RBFOX1: variants seen among roughly 807,000 people sequenced by gnomAD.
The protein encoded by RBFOX1 is RNA binding protein fox-1 homolog 1.
A neutral mutation model predicts 57.7 loss-of-function variants in RBFOX1; 8 were observed. The observed-to-expected ratio is 0.14, with a 90% confidence interval of 0.08 to 0.25. RBFOX1 has a LOEUF of 0.25. Among genes scored for constraint, RBFOX1 ranks in the 10% least tolerant of loss-of-function variants. RBFOX1 has a pLI of 1.00. For missense variants in RBFOX1, 611 were observed against 548.5 expected (o/e 1.11, Z -1.14); for synonymous variants, 326 against 222.4 (o/e 1.47, Z -4.15).
intron 1 of RBFOX1, among the ~76,000 whole-genome samples, chr16:5,332,042 C>A (rs987656299): frequency 3.3e-5 from 5 of 152,218 alleles, no homozygotes; most frequent in Non-Finnish European, 4.4e-5. Context: ...CACGTCAGGG[C>A]CAGCTTTAAT....
intron 4 of RBFOX1, among the ~76,000 whole-genome samples, chr16:7,435,352 C>T (rs137905135): frequency 3.9e-5 from 6 of 152,158 alleles, no homozygotes; most frequent in African/African-American, 1.2e-4. Flanking sequence ...ACAGAGACAG[C>T]GTGCCATTTG....
chr16:6,678,830 A>G (rs1252804223), intron 3 of RBFOX1, among the ~76,000 whole-genome samples: 2 of 152,118 alleles, frequency 1.3e-5, no homozygotes, highest in African/African-American at 4.8e-5. Context: ...CGGTTCATCC[A>G]GGAGGCTGAG....
rs113269781 is a variant in RBFOX1, at chr16:7,651,649, G to C, written c.758-2166G>C. On this transcript the variant is annotated intron_variant, in intron 11 of 15. Transcript: ENST00000550418. ...GGAAGAAGCTCTTCTTGGCAGTTTG[G>C]ATAGAGGGTGGAGACAACTTTAACA... Among the ~76,000 whole-genome samples the C allele has an allele frequency of 6.1e-4, 93 of 152,326 alleles. 2 individuals are homozygous for C. The highest frequency in any genetic ancestry group is 2.1e-3 in the African/African-American group (89 of 41,578).
intron 4 of RBFOX1, among the ~76,000 whole-genome samples, chr16:7,499,901 A>G (rs2070106377): frequency 6.6e-6 from 1 of 152,150 alleles, no homozygotes; most frequent in African/African-American, 2.4e-5. Context: ...AAAAGAAAAA[A>G]AAAAAACATT....
At chr16:7,140,493 A>G (rs1238318578) in intron 4 of RBFOX1, among the ~76,000 whole-genome samples, 1 of 152,090 alleles carries the variant, frequency 6.6e-6, no homozygotes, top group Non-Finnish European at 1.5e-5. Flanking sequence ...TTATTGTTGG[A>G]TACCCAGGAC....
At chr16:7,024,090 C>T (rs9928683) in intron 3 of RBFOX1, among the ~76,000 whole-genome samples, 10,896 of 152,124 alleles carry the variant, frequency 0.072, 647 homozygotes, top group East Asian at 0.27. Flanking sequence ...TGTGGCTTGG[C>T]TTACTAAGAA....
chr16:5,631,242 C>G (rs1469918807), intron 3 of RBFOX1, among the ~76,000 whole-genome samples: 4 of 152,152 alleles, frequency 2.6e-5, no homozygotes, highest in Non-Finnish European at 2.9e-5. Context: ...TAGAGGCTCT[C>G]TCCAATCCTC....
At chr16:7,307,413 T>G (rs1030311818) in intron 4 of RBFOX1, among the ~76,000 whole-genome samples, 1 of 152,234 alleles carries the variant, frequency 6.6e-6, no homozygotes, top group Non-Finnish European at 1.5e-5. Flanking sequence ...GAGTCTACTC[T>G]GAATGGCCAA....
chr16:7,276,638 C>T (rs1276103446), intron 4 of RBFOX1, among the ~76,000 whole-genome samples: 1 of 152,054 alleles, frequency 6.6e-6, no homozygotes, highest in African/African-American at 2.4e-5. Context: ...CCTCACTCCT[C>T]CAAATTCCTG....
intron 4 of RBFOX1, among the ~76,000 whole-genome samples, chr16:7,266,312 C>T (rs2095139896): frequency 1.3e-5 from 2 of 151,958 alleles, no homozygotes; most frequent in African/African-American, 2.4e-5. Context: ...GTGGCACCTT[C>T]CCCCACGCTC....
intron 4 of RBFOX1, among the ~76,000 whole-genome samples, chr16:7,269,356 C>G (rs987327553): frequency 1.3e-5 from 2 of 151,976 alleles, no homozygotes; most frequent in Non-Finnish European, 2.9e-5. Context: ...CATACAAAAG[C>G]AAAAATCATC....
At chr16:6,034,343 A>AAAAG (rs2095333736) in intron 1 of RBFOX1, among the ~76,000 whole-genome samples, 1 of 149,640 alleles carries the variant, frequency 6.7e-6, no homozygotes, top group East Asian at 2.0e-4. Flanking sequence ...AAAAAAAAAA[A>AAAAG]AAAAAAAAAA....
chr16:5,913,388 G>C (rs757382105), intron 4 of RBFOX1, among the ~76,000 whole-genome samples: 7 of 152,170 alleles, frequency 4.6e-5, no homozygotes, highest in Non-Finnish European at 7.3e-5. Flanking sequence ...AAGGGGTTTG[G>C]GTGATGGGGG....
intron 2 of RBFOX1, among the ~76,000 whole-genome samples, chr16:5,541,545 T>C (rs2044952780): frequency 6.6e-6 from 1 of 152,294 alleles, no homozygotes; most frequent in South Asian, 2.1e-4. Context: ...GGTTGCATTC[T>C]CTTGAGTTTC....
intron 5 of RBFOX1, among the ~76,000 whole-genome samples, chr16:7,534,706 T>C (rs1240135164): frequency 6.6e-6 from 1 of 152,168 alleles, no homozygotes; most frequent in East Asian, 1.9e-4. Context: ...CAGGTTTCCT[T>C]TTCACAGTAA....
intron 4 of RBFOX1, among the ~76,000 whole-genome samples, chr16:5,983,535 G>A (rs2060215641): frequency 6.6e-6 from 1 of 152,162 alleles, no homozygotes; most frequent in Admixed American, 6.5e-5. Flanking sequence ...AGCCCAGTTC[G>A]GGGATCACCA....
At chr16:7,591,907 C>G (rs925323187) in intron 7 of RBFOX1, among the ~76,000 whole-genome samples, 5 of 152,210 alleles carry the variant, frequency 3.3e-5, no homozygotes, top group African/African-American at 7.2e-5. Context: ...AGCACCCGCT[C>G]TCAAGGTTGC....
chr16:5,393,646 T>G (rs1322482125), intron 1 of RBFOX1, among the ~76,000 whole-genome samples: 1 of 152,162 alleles, frequency 6.6e-6, no homozygotes, highest in Non-Finnish European at 1.5e-5. Flanking sequence ...GTCATCCTGT[T>G]GCTCTTTTCA....
At chr16:5,274,917 T>C (rs1192012459) in intron 1 of RBFOX1, among the ~76,000 whole-genome samples, 3 of 152,188 alleles carry the variant, frequency 2.0e-5, no homozygotes, top group East Asian at 3.9e-4. Context: ...TCTGCAGCAA[T>C]TGATGGCCAC....
Sources: gnomAD v4.1 joint callset for allele counts (sites outside exome capture counted in the v4.1 genomes callset) on GRCh38, gnomAD v4.1.1 for gene constraint, MANE v1.5 for transcripts, NCBI Gene and HGNC (gene_info 2026-07-23, HGNC 2026-07-21) for gene names.